Variants in AP2A2 observed in about 807,000 individuals in gnomAD.
AP2A2 encodes AP-2 complex subunit alpha-2.
AP2A2 carries 32 observed loss-of-function variants against 104.2 expected under a neutral mutation model. The ratio of observed to expected loss-of-function variants is 0.31; its 90% CI spans 0.23 to 0.41. The LOEUF (loss-of-function observed/expected upper bound fraction) is 0.41, where lower values mean the gene tolerates loss of function less well. AP2A2 is among the 10% of genes least tolerant of loss of function. The pLI is 1.00. For missense variants in AP2A2, 912 were observed against 1,261.0 expected, an observed-to-expected ratio of 0.72 and a Z score of 4.19; for synonymous variants, 539 against 533.3, an observed-to-expected ratio of 1.01 and a Z score of -0.15.
At chr11:1,006,333 C>T (rs760443178) in intron 16 of AP2A2, among the ~76,000 whole-genome samples, 195 bp from the exon 17 acceptor site, 24 of 152,314 alleles carry the variant, frequency 1.6e-4, no homozygotes, top group Admixed American at 3.3e-4. Flanking sequence ...AGGAGATACC[C>T]GGCCCGTGTT....
chr11:952,593 G>C (rs1854090111), intron 1 of AP2A2, among the ~76,000 whole-genome samples: 1 of 152,158 alleles, frequency 6.6e-6, no homozygotes, highest in African/African-American at 2.4e-5. Context: ...TAGTGCTGAT[G>C]GGCTGGCTGC....
intron 18 of AP2A2, 109 bp from the exon 19 acceptor site, chr11:1,008,991 G>A: frequency 1.0e-5 from 9 of 879,878 alleles, no homozygotes; most frequent in Admixed American, 4.4e-5. Flanking sequence ...GACCCGCTCT[G>A]GTGGGTGGCA....
intron 15 of AP2A2, chr11:1,001,439 A>G (rs1044478358): frequency 3.9e-5 from 6 of 152,144 alleles, no homozygotes; most frequent in African/African-American, 7.3e-5. Flanking sequence ...TCTGTCCCAG[A>G]TGGAGGTTAG....
At chr11:1,003,344 G>T (rs985251042) in intron 15 of AP2A2, among the ~76,000 whole-genome samples, 4 of 152,244 alleles carry the variant, frequency 2.6e-5, no homozygotes, top group African/African-American at 7.2e-5. Context: ...CGAGGCCCTC[G>T]CTGGGTGGAA....
chr11:943,567 G>A (rs1485835629), intron 1 of AP2A2, among the ~76,000 whole-genome samples: 1 of 152,216 alleles, frequency 6.6e-6, no homozygotes, highest in Non-Finnish European at 1.5e-5. Context: ...GTGAGGGGTG[G>A]TCTCCTCCCT....
intron 14 of AP2A2, chr11:995,519 G>A (rs556439254): frequency 1.3e-5 from 6 of 448,026 alleles, no homozygotes; most frequent in East Asian, 7.0e-5. Flanking sequence ...ACCCAGTATC[G>A]GCAGGGCTTT....
intron 14 of AP2A2, among the ~76,000 whole-genome samples, chr11:999,191 T>C (rs1337392753): frequency 2.0e-5 from 3 of 152,106 alleles, no homozygotes; most frequent in Admixed American, 6.6e-5. Context: ...AGTTTAATCA[T>C]GAGATCATAG....
rs772668916 is a variant in AP2A2, at chr11:959,423, G to GT, written c.68-12dup. On this transcript the variant is annotated splice_polypyrimidine_tract_variant and intron_variant, in intron 1 of 21. Transcript: ENST00000448903. ...TCAATTAAAATAAAAATGGCTTTTT[G>GT]TTCTTTTTTTTAGGTAAAAGTAAAG... The GT allele has an allele frequency of 6.7e-7, 1 of 1,496,292 alleles. No homozygotes were observed. The highest frequency in any genetic ancestry group is 1.2e-5 in the South Asian group (1 of 86,202). The allele number at this position is 1,496,292 out of a possible 1,614,324, so 92.7% of individuals were successfully genotyped here. A position where few individuals can be genotyped will look rare whatever the true frequency, so the allele number is the denominator to read the frequency against.
At chr11:991,532 C>T (rs1011559166) in intron 10 of AP2A2, among the ~76,000 whole-genome samples, 15 of 152,156 alleles carry the variant, frequency 9.9e-5, no homozygotes, top group African/African-American at 2.9e-4. Flanking sequence ...GCAGGGCACG[C>T]GAGGCAGGGG....
chr11:933,139 G>A (rs1038774002), intron 1 of AP2A2, among the ~76,000 whole-genome samples: 1 of 152,182 alleles, frequency 6.6e-6, no homozygotes, highest in African/African-American at 2.4e-5. Flanking sequence ...GTGGTGGCAC[G>A]TGTCTGTAAT....
chr11:945,203 G>A (rs1228838710), intron 1 of AP2A2, among the ~76,000 whole-genome samples: 2 of 152,148 alleles, frequency 1.3e-5, no homozygotes, highest in Non-Finnish European at 2.9e-5. Context: ...GACTCCTAGC[G>A]TGGGTAGGGC....
intron 6 of AP2A2, among the ~76,000 whole-genome samples, chr11:982,275 T>A (rs1855271951): frequency 6.6e-6 from 1 of 152,208 alleles, no homozygotes; most frequent in African/African-American, 2.4e-5. Context: ...GGTCTTGAAC[T>A]CCTGACCTCA....
Position 992,980 on chromosome 11 carries a change from C to A in AP2A2, c.1452+295C>A, listed in dbSNP as rs557341529. 2.0e-5 allele frequency among the ~76,000 whole-genome samples: 3 copies of A among 152,256 alleles called. No individual in the cohort carries two copies. Among genetic ancestry groups the A allele is most frequent in the Non-Finnish European group, 4.4e-5 (3 of 68,004 alleles). ...CCGTGGTGGGGCCTGCCCTGTCCGT[C>A]GGAGAGGGTTAGGCCACCGGCAAGG... On this transcript the variant is annotated intron_variant, in intron 11 of 21. Coordinates refer to ENST00000448903, the MANE Select transcript of AP2A2 (RefSeq NM_012305.4). The surrounding 1 kb of genome is among the most constrained non-coding windows in gnomAD (Gnocchi z 6.4).
At position 1,009,764 on chromosome 11, in the gene AP2A2, A is replaced by C; in HGVS notation, c.2689A>C (p.Lys897Gln). 6.4e-7 allele frequency: 1 copy of C among 1,551,908 alleles called. No individual in the cohort carries two copies. Among genetic ancestry groups the C allele is most frequent in the Non-Finnish European group, 8.7e-7 (1 of 1,146,976 alleles). The change falls in exon 21 of 22, where the codon AAA becomes CAA. Residue 897 changes from lysine to glutamine, a missense_variant. This residue lies in a region of AP2A2 where 239 missense variants were observed against 329.8 expected (regional missense o/e 0.72). Coordinates refer to ENST00000448903, the MANE Select transcript of AP2A2 (RefSeq NM_012305.4). Reference protein sequence around the residue: ...NFVGAGIIHTKTTQIGCLLRL... With the variant: ...NFVGAGIIHTQTTQIGCLLRL... ...CGTGGGAGCTGGAATCATCCACACG[A>C]AAACCACCCAGATTGGATGCCTGCT...
At chr11:1,008,285 G>A in intron 18 of AP2A2, 150 bp downstream of exon 18, 2 of 1,202,624 alleles carry the variant, frequency 1.7e-6, no homozygotes, top group Non-Finnish European at 2.2e-6. Context: ...AGCTATTGCT[G>A]CCCCCGGCTC....
chr11:1,009,446 C>T (rs772416192), intron 20 of AP2A2, 49 bp downstream of exon 20: 34 of 1,512,048 alleles, frequency 2.2e-5, no homozygotes, highest in Admixed American at 8.7e-5. Flanking sequence ...CCCGTGACCC[C>T]GCGCCAGGGT....
chr11:966,401 G>A (rs1418325281), intron 2 of AP2A2, among the ~76,000 whole-genome samples: 2 of 152,318 alleles, frequency 1.3e-5, no homozygotes, highest in East Asian at 3.9e-4. Flanking sequence ...GGGAGGCTGA[G>A]GTGGGAGGAT....
chr11:934,213 G>C (rs1293227074), intron 1 of AP2A2, among the ~76,000 whole-genome samples: 1 of 152,104 alleles, frequency 6.6e-6, no homozygotes, highest in African/African-American at 2.4e-5. Flanking sequence ...TGCGTTCTTA[G>C]GAATAACACT....
intron 1 of AP2A2, 133 bp from the exon 2 acceptor site, chr11:959,304 T>C: frequency 6.0e-6 from 4 of 672,144 alleles, no homozygotes; most frequent in South Asian, 1.7e-5. Context: ...GGCAGGTGTC[T>C]GCTTCGGCTT....
Sources: allele counts gnomAD v4.1 joint callset (sites outside exome capture counted in the v4.1 genomes callset), GRCh38; gene constraint gnomAD v4.1.1; regional missense constraint gnomAD v4.1.1; non-coding constraint Gnocchi (gnomAD v3.1); transcripts MANE v1.5; gene names NCBI Gene and HGNC (gene_info 2026-07-23, HGNC 2026-07-21).